Variants in HDAC9 observed in about 807,000 individuals in gnomAD.
HDAC9 encodes the protein MEF-2 interacting transcription repressor (MITR) protein.
HDAC9 carries 41 observed loss-of-function variants against 139.4 expected under a neutral mutation model. The ratio of observed to expected loss-of-function variants is 0.29; its 90% CI spans 0.23 to 0.38. The LOEUF (loss-of-function observed/expected upper bound fraction) is 0.38, where lower values mean the gene tolerates loss of function less well. HDAC9 is among the 10% of genes least tolerant of loss of function. HDAC9 has a pLI of 1.00. For missense variants in HDAC9, 1,147 were observed against 1,297.0 expected (o/e 0.88, Z 1.78); for synonymous variants, 517 against 476.2 (o/e 1.09, Z -1.12).
At chr7:18,805,465 A>G (rs1793630208) in intron 17 of HDAC9, among the ~76,000 whole-genome samples, 1 of 152,198 alleles carries the variant, frequency 6.6e-6, no homozygotes, top group South Asian at 2.1e-4. Context: ...AAGAGAGAGA[A>G]GTCAGCAGCT....
chr7:18,793,524 A>G (rs1387374691), intron 17 of HDAC9, 72 bp downstream of exon 17: 3 of 988,430 alleles, frequency 3.0e-6, no homozygotes, highest in African/African-American at 1.6e-5. Context: ...TTATGTGGGA[A>G]TTGCGGGGAG....
At chr7:18,855,837 A>G (rs1797634182) in intron 21 of HDAC9, among the ~76,000 whole-genome samples, 2 of 152,098 alleles carry the variant, frequency 1.3e-5, no homozygotes, top group Non-Finnish European at 2.9e-5. Flanking sequence ...TGGTACCAAG[A>G]GACTTTTGCA....
chr7:18,647,757 T>C, intron 9 of HDAC9, 28 bp from the exon 10 acceptor site: 1 of 1,564,332 alleles, frequency 6.4e-7, no homozygotes, highest in Non-Finnish European at 8.7e-7. Flanking sequence ...TGAAAGAGGA[T>C]TAACATCTTT....
intron 1 of HDAC9, among the ~76,000 whole-genome samples, chr7:18,489,347 A>T (rs534291660): frequency 6.6e-6 from 1 of 152,090 alleles, no homozygotes; most frequent in African/African-American, 2.4e-5. Flanking sequence ...GCTTTTCAAC[A>T]TTTTAATAAT....
intron 22 of HDAC9, among the ~76,000 whole-genome samples, chr7:18,921,613 C>G (rs567241879): frequency 3.9e-5 from 6 of 152,230 alleles, no homozygotes; most frequent in Non-Finnish European, 1.5e-5. Flanking sequence ...AATAGGAACA[C>G]TTTTACACTG....
At chr7:18,532,024 G>A (rs891637868) in intron 2 of HDAC9, among the ~76,000 whole-genome samples, 1 of 152,162 alleles carries the variant, frequency 6.6e-6, no homozygotes, top group African/African-American at 2.4e-5. Context: ...CGAGGCAGGT[G>A]GATTACCTGA....
chr7:18,468,275 C>G (rs568590452), intron 1 of HDAC9, among the ~76,000 whole-genome samples: 1 of 152,248 alleles, frequency 6.6e-6, no homozygotes, highest in African/African-American at 2.4e-5. Context: ...ATTTAGAATT[C>G]TTCTGTATGG....
intron 2 of HDAC9, among the ~76,000 whole-genome samples, chr7:18,220,531 A>G (rs986826688): frequency 4.6e-5 from 7 of 152,186 alleles, no homozygotes; most frequent in African/African-American, 1.7e-4. Context: ...GGTTTGTACA[A>G]GAGTAAGAGA....
intron 8 of HDAC9, among the ~76,000 whole-genome samples, chr7:18,635,012 A>T (rs906144866): frequency 1.3e-5 from 2 of 152,062 alleles, no homozygotes; most frequent in Non-Finnish European, 2.9e-5. Flanking sequence ...TATTTATGGA[A>T]TTCAGTAAAA....
chr7:18,170,875 A>G (rs1248234222), intron 2 of HDAC9, among the ~76,000 whole-genome samples: 1 of 152,184 alleles, frequency 6.6e-6, no homozygotes, highest in African/African-American at 2.4e-5. Context: ...GAAGTCAGGT[A>G]GCGTGATGCC....
Position 18,887,879 on chromosome 7 carries a change from C to T in HDAC9, c.2803+13283C>T, listed in dbSNP as rs149853036. Among the ~76,000 whole-genome samples the T allele has an allele frequency of 5.8e-3, 878 of 152,174 alleles. 15 individuals are homozygous for T. Among genetic ancestry groups the T allele is most frequent in the South Asian group, 0.052 (248 of 4,814 alleles). On this transcript the variant is annotated intron_variant, in intron 22 of 25. Coordinates refer to ENST00000686413, the MANE Select transcript of HDAC9 (RefSeq NM_178425.4). ...CCTCTAGACTTGTCCCATGCAACGCCAAGATTTGTGGCCACAGAGAAGTCA... is the reference window on the plus strand; with the variant it reads ...CCTCTAGACTTGTCCCATGCAACGCTAAGATTTGTGGCCACAGAGAAGTCA...
intron 1 of HDAC9, among the ~76,000 whole-genome samples, chr7:18,094,656 G>C (rs2128062535): frequency 6.6e-6 from 1 of 152,164 alleles, no homozygotes; most frequent in South Asian, 2.1e-4. Flanking sequence ...GGGTCTTGCT[G>C]TATTGCCCAG....
intron 17 of HDAC9, among the ~76,000 whole-genome samples, chr7:18,827,690 C>G (rs975356497): frequency 1.3e-5 from 2 of 152,114 alleles, no homozygotes; most frequent in Non-Finnish European, 2.9e-5. Flanking sequence ...AATTGAATCA[C>G]AAAAGTTTTA....
chr7:18,819,410 A>G (rs757476903), intron 17 of HDAC9, among the ~76,000 whole-genome samples: 36 of 152,370 alleles, frequency 2.4e-4, no homozygotes, highest in Middle Eastern at 3.4e-3. Context: ...TAAGGAACAC[A>G]AAAATAAATC....
intron 1 of HDAC9, among the ~76,000 whole-genome samples, chr7:18,113,051 A>C (rs1478518687): frequency 6.6e-6 from 1 of 152,176 alleles, no homozygotes; most frequent in Non-Finnish European, 1.5e-5. Flanking sequence ...GATATAGACT[A>C]TTGTGGGAAA....
chr7:18,354,075 A>G (rs888970763), intron 1 of HDAC9, among the ~76,000 whole-genome samples: 1 of 152,184 alleles, frequency 6.6e-6, no homozygotes, highest in African/African-American at 2.4e-5. Flanking sequence ...AAGGTGAAAA[A>G]AAAGCACTAA....
chr7:18,964,392 G>A (rs1433222533), intron 24 of HDAC9, among the ~76,000 whole-genome samples: 1 of 151,894 alleles, frequency 6.6e-6, no homozygotes, highest in South Asian at 2.1e-4. Flanking sequence ...AATGCAGTAC[G>A]TTCATTTTAG....
chr7:18,180,946 C>G (rs1028769427), intron 2 of HDAC9, among the ~76,000 whole-genome samples: 50 of 152,114 alleles, frequency 3.3e-4, no homozygotes, highest in African/African-American at 1.2e-3. Flanking sequence ...CTGTATCACT[C>G]CAGTCTTTGC....
intron 1 of HDAC9, among the ~76,000 whole-genome samples, chr7:18,380,963 C>T (rs560362492): frequency 5.3e-5 from 8 of 151,778 alleles, no homozygotes; most frequent in African/African-American, 9.7e-5. Context: ...TTTGGGAGGA[C>T]GAGGCAGACA....
Sources: allele counts gnomAD v4.1 joint callset (sites outside exome capture counted in the v4.1 genomes callset), GRCh38; gene constraint gnomAD v4.1.1; transcripts MANE v1.5; gene names NCBI Gene and HGNC (gene_info 2026-07-23, HGNC 2026-07-21).